Variants in NUFIP2 observed in about 807,000 individuals in gnomAD.
The protein encoded by NUFIP2 is nuclear FMR1 interacting protein 2.
In NUFIP2, 6 loss-of-function variants were observed where a neutral mutation model predicts 56.9. The observed-to-expected ratio is 0.11, with a 90% CI of 0.06 to 0.21. The LOEUF (loss-of-function observed/expected upper bound fraction) is 0.21. Ranked by LOEUF, NUFIP2 falls within the 10% of genes least tolerant of loss-of-function variation. The pLI, the probability that NUFIP2 is intolerant of heterozygous loss-of-function variation, is 1.00. For synonymous variants in NUFIP2, 321 were observed against 298.2 expected, an observed-to-expected ratio of 1.08 and a Z score of -0.79; for missense variants, 828 against 826.8, an observed-to-expected ratio of 1.00 and a Z score of -0.02.
chr17:29,287,022 A>G lies in NUFIP2; in HGVS notation c.972T>C (p.Ala324=). The change falls in exon 2 of 4, where the codon GCT becomes GCC. Residue 324 remains alanine, a synonymous_variant. Coordinates refer to ENST00000225388, the MANE Select transcript of NUFIP2 (RefSeq NM_020772.3). ...AGTCCTCTTTGGAGGCAACAGCTGAAGCATGCTTTCCTTTGGGCCGATCAT... is the reference window on the plus strand; with the variant it reads ...AGTCCTCTTTGGAGGCAACAGCTGAGGCATGCTTTCCTTTGGGCCGATCAT... The part of the protein sequence containing the change: ...KFDDRPKGKH[A]SAVASKEDSW... The G allele has an allele frequency of 3.1e-6, 5 of 1,614,150 alleles. No homozygotes were observed. Among genetic ancestry groups the G allele is most frequent in the Non-Finnish European group, 4.2e-6 (5 of 1,180,034 alleles).
At chr17:29,273,243 T>C (rs1330859921) in intron 2 of NUFIP2, among the ~76,000 whole-genome samples, 1 of 152,172 alleles carries the variant, frequency 6.6e-6, no homozygotes, top group Non-Finnish European at 1.5e-5. Context: ...TTCACCATAC[T>C]GGCCAGGCTG....
intron 2 of NUFIP2, among the ~76,000 whole-genome samples, chr17:29,268,058 C>A (rs571796961): frequency 6.6e-6 from 1 of 152,144 alleles, no homozygotes; most frequent in East Asian, 1.9e-4. Flanking sequence ...GCCACCACGC[C>A]CAGCTAATTT....
rs778978457 is a variant in NUFIP2, at chr17:29,293,766, C to G, written c.277+17G>C. On this transcript the variant is annotated intron_variant, in intron 1 of 3. Coordinates refer to ENST00000225388, the MANE Select transcript of NUFIP2 (RefSeq NM_020772.3). ...CCACCCCCAACCCCCTTCCCCCACC[C>G]GTCCTCCCTCCCAGACCTGTTTTCT... 1.3e-6 allele frequency: 2 copies of G among 1,543,750 alleles called. No homozygotes were observed. The highest frequency in any genetic ancestry group is 1.8e-6 in the Non-Finnish European group (2 of 1,139,864).
In NUFIP2 at chr17:29,262,291, G is replaced by C. The variant is rs1349910693; in HGVS notation, c.*2248C>G. The C allele has an allele frequency of 6.6e-6, 1 of 152,456 alleles. No individual in the cohort carries two copies. The highest frequency in any genetic ancestry group is 1.5e-5 in the Non-Finnish European group (1 of 68,000). The allele number at this position is 152,456 out of a possible 1,614,324, so 9.4% of individuals were successfully genotyped here. A position where few individuals can be genotyped will look rare whatever the true frequency, so the allele number is the denominator to read the frequency against. Reference sequence around the variant, plus strand: ...CCTAAGGCGACAAGTGGTTACACAAGGCAATTGAACACACAGCAGAACTTT... The same window carrying C: ...CCTAAGGCGACAAGTGGTTACACAACGCAATTGAACACACAGCAGAACTTT... On this transcript the variant is annotated 3_prime_UTR_variant, in exon 4 of 4. Transcript: ENST00000225388.
In NUFIP2 at chr17:29,267,647, T is replaced by C; in HGVS notation, c.2003-117A>G. On this transcript the variant is annotated intron_variant, in intron 2 of 3. Transcript: ENST00000225388. Reference sequence around the variant, plus strand: ...ATTACTGCCAGACTGGAGGTAGGGTTGAAAATGGCAAAATTCTATGAAGTT... The same window carrying C: ...ATTACTGCCAGACTGGAGGTAGGGTCGAAAATGGCAAAATTCTATGAAGTT... 3 of 592,236 alleles carry C rather than the reference T, an allele frequency of 5.1e-6. No individual in the cohort carries two copies. In the South Asian group the frequency reaches 6.3e-5, roughly 12 times the overall value. The allele number at this position is 592,236 out of a possible 1,614,324, so 36.7% of individuals were successfully genotyped here. A position where few individuals can be genotyped will look rare whatever the true frequency, so the allele number is the denominator to read the frequency against.
chr17:29,279,467 C>T (rs2069127461), intron 2 of NUFIP2, among the ~76,000 whole-genome samples: 1 of 152,180 alleles, frequency 6.6e-6, no homozygotes, highest in African/African-American at 2.4e-5. Flanking sequence ...AAAATGGCTT[C>T]CAGTCTACCC....
chr17:29,292,606 G>GC lies in NUFIP2; in HGVS notation c.277+1176dup, dbSNP rs565915630. On this transcript the variant is annotated intron_variant, in intron 1 of 3. Transcript: ENST00000225388. ...TCTACCCGAAATGAATCCCCCCGCC[G>GC]CCCCCCCAGGCCTCCTGCCTCTAGG... is the stretch of plus-strand genomic sequence containing the variant. 7.0e-4 allele frequency among the ~76,000 whole-genome samples: 83 copies of GC among 118,522 alleles called. No homozygotes were observed. The South Asian group carries it at 0.015, about 21-fold the overall frequency. 77.8% of individuals were successfully genotyped at this position (118,522 alleles called of 152,430 possible). A position where few individuals can be genotyped will look rare whatever the true frequency, so the allele number is the denominator to read the frequency against.
At chr17:29,270,525 CA>C (rs879693008) in intron 2 of NUFIP2, among the ~76,000 whole-genome samples, 200 of 143,694 alleles carry the variant, frequency 1.4e-3, no homozygotes, top group African/African-American at 3.8e-3. Context: ...TGACCTACTG[CA>C]AAAAAAAAAA....
At chr17:29,268,959 A>C (rs1197998375) in intron 2 of NUFIP2, among the ~76,000 whole-genome samples, 4 of 152,332 alleles carry the variant, frequency 2.6e-5, no homozygotes, top group Non-Finnish European at 5.9e-5. Flanking sequence ...TCTTAAAATA[A>C]GAAAATTATG....
chr17:29,287,005 T>C lies in NUFIP2; in HGVS notation c.989A>G (p.Lys330Arg). ...TTTAAATAGGGTCCACGAGTCCTCT[T>C]TGGAGGCAACAGCTGAAGCATGCTT... is the stretch of plus-strand genomic sequence containing the variant. ...KGKHASAVAS[K>R]EDSWTLFKPP... The change falls in exon 2 of 4, where the codon AAA becomes AGA. Residue 330 changes from lysine (K) to arginine (R), a missense_variant. Transcript: ENST00000225388. 6.2e-7 allele frequency: 1 copy of C among 1,614,222 alleles called. No homozygotes were observed. Among genetic ancestry groups the C allele is most frequent in the Non-Finnish European group, 8.5e-7 (1 of 1,180,038 alleles).
chr17:29,293,633 GC>G (rs1567683822), intron 1 of NUFIP2, 149 bp downstream of exon 1: 2 of 833,204 alleles, frequency 2.4e-6, no homozygotes, highest in Non-Finnish European at 3.6e-6. Flanking sequence ...CTCAGCCCGA[GC>G]TCTAGAATGA....
intron 1 of NUFIP2, among the ~76,000 whole-genome samples, chr17:29,291,827 G>T (rs1345837820): frequency 6.6e-6 from 1 of 152,078 alleles, no homozygotes; most frequent in East Asian, 1.9e-4. Flanking sequence ...CACCTAACTC[G>T]TGCGTATGTG....
intron 2 of NUFIP2, among the ~76,000 whole-genome samples, chr17:29,273,641 TA>T: frequency 6.6e-6 from 1 of 152,280 alleles, no homozygotes. Context: ...AGAACGTAAG[TA>T]AAAGTTTTTG....
chr17:29,291,135 TTC>T (rs540900983), intron 1 of NUFIP2, among the ~76,000 whole-genome samples: 28 of 152,196 alleles, frequency 1.8e-4, no homozygotes, highest in South Asian at 1.4e-3. Flanking sequence ...GAAAGAAATT[TTC>T]TTTTTAAATA....
chr17:29,286,905 C>T lies in NUFIP2; in HGVS notation c.1089G>A (p.Lys363=). 6.2e-7 allele frequency: 1 copy of T among 1,614,092 alleles called. No homozygotes were observed. Among genetic ancestry groups the T allele is most frequent in the Non-Finnish European group, 8.5e-7 (1 of 1,179,996 alleles). ...VPKISYASKV[K]ENLNKTIQNS... ...TCTGTATAGTTTTGTTGAGGTTTTC[C>T]TTAACTTTGCTTGCATAACTTATTT... The change falls in exon 2 of 4, where the codon AAG becomes AAA. Residue 363 remains lysine, a synonymous_variant. Coordinates refer to ENST00000225388, the MANE Select transcript of NUFIP2 (RefSeq NM_020772.3).
At position 29,259,870 on chromosome 17, in the gene NUFIP2, A is replaced by C. The variant is rs572492688; in HGVS notation, c.*4669T>G. On this transcript the variant is annotated 3_prime_UTR_variant, in exon 4 of 4. Transcript: ENST00000225388. ...CTTTAAGACCTTTCTTGAGCGGCAAAACAGTGTGAAATTTAAAACTCAGTA... is the reference window on the plus strand; with the variant it reads ...CTTTAAGACCTTTCTTGAGCGGCAACACAGTGTGAAATTTAAAACTCAGTA... 2.0e-5 allele frequency: 3 copies of C among 152,304 alleles called. No homozygotes were observed. The East Asian group carries it at 5.8e-4, about 29-fold the overall frequency. 9.4% of individuals were successfully genotyped at this position (152,304 alleles called of 1,614,324 possible).
At chr17:29,280,566 G>A (rs1184674041) in intron 2 of NUFIP2, among the ~76,000 whole-genome samples, 1 of 151,986 alleles carries the variant, frequency 6.6e-6, no homozygotes, top group African/African-American at 2.4e-5. Context: ...CAAACCTATG[G>A]TCCCAGCTAC....
At position 29,286,553 on chromosome 17, in the gene NUFIP2, T is replaced by C. The variant is rs769784430; in HGVS notation, c.1441A>G (p.Met481Val). The C allele has an allele frequency of 3.1e-6, 5 of 1,613,968 alleles. No individual in the cohort carries two copies. The East Asian group carries it at 6.7e-5, about 22-fold the overall frequency. ...TCCACTTGTGCTGTGCTCAACAGCA[T>C]AGTTTGCATATTTGAAGGATAGATA... Reference protein sequence around the residue: ...LFIYPSNMQTMLLSTAQVDLP... With the variant: ...LFIYPSNMQTVLLSTAQVDLP... Residue 481 changes from methionine (M) to valine (V), a missense_variant, in exon 2 of 4, where the codon ATG becomes GTG. This residue lies in a region of NUFIP2 where 404 missense variants were observed against 380.3 expected (regional missense o/e 1.06). Transcript: ENST00000225388.
At chr17:29,275,008 TACGGTCTGA>T (rs1195671745) in intron 2 of NUFIP2, among the ~76,000 whole-genome samples, 1 of 151,688 alleles carries the variant, frequency 6.6e-6, no homozygotes, top group African/African-American at 2.4e-5. Flanking sequence ...ATGGAATATA[TACGGTCTGA>T]ACTCAGTTTT....
Sources: allele counts gnomAD v4.1 joint callset (sites outside exome capture counted in the v4.1 genomes callset), GRCh38; gene constraint gnomAD v4.1.1; regional missense constraint gnomAD v4.1.1; transcripts MANE v1.5; gene names NCBI Gene and HGNC (gene_info 2026-07-23, HGNC 2026-07-21).